The following NOL4L variants were observed in gnomAD, a reference collection of about 807,000 sequenced individuals.
NOL4L encodes nucleolar protein 4 like.
In NOL4L, 7 loss-of-function variants were observed where a neutral mutation model predicts 64.5. The observed-to-expected ratio is 0.11, with a 90% CI of 0.06 to 0.20. The LOEUF is 0.20. Among genes scored for constraint, NOL4L ranks in the 10% least tolerant of loss-of-function variants. The probability of loss-of-function intolerance (pLI) is 1.00; values close to 1 mark genes in which losing one functional copy is unlikely to be tolerated. For synonymous variants in NOL4L, 413 were observed against 401.0 expected, an observed-to-expected ratio of 1.03 and a Z score of -0.36; for missense variants, 680 against 967.1, an observed-to-expected ratio of 0.70 and a Z score of 3.94.
chr20:32,508,359 GC>G (rs2017222505), intron 4 of NOL4L, among the ~76,000 whole-genome samples: 1 of 152,202 alleles, frequency 6.6e-6, no homozygotes, highest in South Asian at 2.1e-4. Context: ...TGGGTCCTTG[GC>G]CCTTCCTTGA....
rs1035884794 is a variant in NOL4L at position 32,578,134 on chromosome 20, A to C, written c.321+6436T>G. Among the ~76,000 whole-genome samples, 23 of 76,884 alleles carry C rather than the reference A, an allele frequency of 3.0e-4. No homozygotes were observed. The Admixed American group carries it at 3.7e-3, about 12-fold the overall frequency. The allele number at this position is 76,884 out of a possible 152,430, so 50.4% of individuals were successfully genotyped here. ...AAGGAAGGAAGGAAGGAAGGAAGGA[A>C]GGAAGGAGGGAGGGAGGGAGGGAGG... On this transcript the variant is annotated intron_variant, in intron 1 of 10. Transcript: ENST00000621426.
At chr20:32,561,340 G>A (rs1239320121) in intron 1 of NOL4L, among the ~76,000 whole-genome samples, 1 of 152,182 alleles carries the variant, frequency 6.6e-6, no homozygotes, top group African/African-American at 2.4e-5. Context: ...CCGAGGCTTG[G>A]AAAAATCCCG....
intron 1 of NOL4L, among the ~76,000 whole-genome samples, chr20:32,568,292 T>C (rs1246558146): frequency 6.6e-6 from 1 of 152,102 alleles, no homozygotes; most frequent in Non-Finnish European, 1.5e-5. Flanking sequence ...CAGGAGGCCC[T>C]CTCCAGGTTG....
At chr20:32,553,440 A>T (rs903246815) in intron 1 of NOL4L, among the ~76,000 whole-genome samples, 5 of 152,160 alleles carry the variant, frequency 3.3e-5, no homozygotes, top group Non-Finnish European at 7.4e-5. Flanking sequence ...ATCCTCTCCC[A>T]CCAGATCCCC....
chr20:32,488,769 TCC>T (rs1447992979), intron 4 of NOL4L, among the ~76,000 whole-genome samples: 16 of 54,842 alleles, frequency 2.9e-4, no homozygotes, highest in African/African-American at 2.3e-3. Flanking sequence ...CTTCCTTCCT[TCC>T]TTCCTTCCTT....
At chr20:32,489,559 T>C (rs1880125674) in intron 4 of NOL4L, among the ~76,000 whole-genome samples, 2 of 152,176 alleles carry the variant, frequency 1.3e-5, no homozygotes, top group African/African-American at 4.8e-5. Context: ...TATCCACTAA[T>C]TGGAAATGTC....
chr20:32,555,231 G>T (rs1408559139), intron 1 of NOL4L, among the ~76,000 whole-genome samples: 1 of 152,132 alleles, frequency 6.6e-6, no homozygotes, highest in Non-Finnish European at 1.5e-5. Flanking sequence ...GTTACGGCCT[G>T]AATTGTGCCC....
At position 32,511,374 on chromosome 20, in the gene NOL4L, C is replaced by T; in HGVS notation, c.672G>A (p.Lys224=). 5.2e-6 allele frequency: 8 copies of T among 1,550,342 alleles called. No individual in the cohort carries two copies. The highest frequency in any genetic ancestry group is 7.0e-6 in the Non-Finnish European group (8 of 1,146,828). Residue 224 remains lysine, a synonymous_variant, in exon 4 of 11, where the codon AAG becomes AAA. Coordinates refer to ENST00000621426, the MANE Select transcript of NOL4L (RefSeq NM_001256798.2). ...PLTSTYLKQM[K]LRVMNSQEQD... ...GCTCCTGGGAATTCATCACTCGAAG[C>T]TTCATCTGCTTCAGGTAGGTGGAGG...
At chr20:32,547,105 C>T (rs943210347) in intron 1 of NOL4L, among the ~76,000 whole-genome samples, 8 of 152,190 alleles carry the variant, frequency 5.3e-5, no homozygotes, top group African/African-American at 1.9e-4. Flanking sequence ...TACTGTGTGC[C>T]TCACCCTGCT....
chr20:32,558,626 C>T (rs896981736), intron 1 of NOL4L, among the ~76,000 whole-genome samples: 21 of 152,308 alleles, frequency 1.4e-4, no homozygotes, highest in African/African-American at 4.8e-4. Flanking sequence ...ACAGCCGTAA[C>T]GGAGGATTCC....
chr20:32,445,544 C>T lies in NOL4L; in HGVS notation c.*2052G>A, dbSNP rs892465844. ...TGATTACTTTGTAGTATTGTTCACA[C>T]ACAAAAATAAATATTTACACGAATT... is the stretch of plus-strand genomic sequence containing the variant. On this transcript the variant is annotated 3_prime_UTR_variant, in exon 11 of 11. Coordinates refer to ENST00000621426, the MANE Select transcript of NOL4L (RefSeq NM_001256798.2). 4.6e-5 allele frequency: 7 copies of T among 152,210 alleles called. No homozygotes were observed. The highest frequency in any genetic ancestry group is 7.3e-5 in the Non-Finnish European group (5 of 68,038). The allele number at this position is 152,210 out of a possible 1,614,324, so 9.4% of individuals were successfully genotyped here. A position where few individuals can be genotyped will look rare whatever the true frequency, so the allele number is the denominator to read the frequency against.
intron 3 of NOL4L, among the ~76,000 whole-genome samples, chr20:32,512,221 T>C (rs1006175133): frequency 9.2e-5 from 14 of 152,178 alleles, no homozygotes; most frequent in African/African-American, 3.4e-4. Flanking sequence ...CTCCTTATCA[T>C]ATTGCACAGC....
intron 4 of NOL4L, among the ~76,000 whole-genome samples, chr20:32,505,733 G>C (rs890176467): frequency 1.4e-4 from 22 of 152,096 alleles, no homozygotes; most frequent in African/African-American, 5.3e-4. Flanking sequence ...TAACAAAAAG[G>C]AATAAAGTTC....
intron 10 of NOL4L, 117 bp from the exon 11 acceptor site, chr20:32,447,933 T>C: frequency 7.7e-7 from 1 of 1,299,338 alleles, no homozygotes. Context: ...AGTTGGGCAC[T>C]GAAGTCCGTG....
chr20:32,472,491 G>A (rs553838840), intron 5 of NOL4L, among the ~76,000 whole-genome samples: 1 of 152,162 alleles, frequency 6.6e-6, no homozygotes, highest in Non-Finnish European at 1.5e-5. Context: ...TCAATAACAG[G>A]GGCCTGAGAG....
chr20:32,536,243 G>A, intron 1 of NOL4L: 2 of 985,450 alleles, frequency 2.0e-6, no homozygotes, highest in Non-Finnish European at 2.4e-6. Flanking sequence ...TCACCGAAGG[G>A]GGGGTCCTAG....
rs11696803 is a variant in NOL4L, at chr20:32,466,972, A to G, written c.841+7629T>C. ...GCTGCTGTGACCCAGGGATGGGCCC[A>G]GGGGAGGGTGGGCATCACCTGAGGA... On this transcript the variant is annotated intron_variant, in intron 5 of 10. Coordinates refer to ENST00000621426, the MANE Select transcript of NOL4L (RefSeq NM_001256798.2). Among the ~76,000 whole-genome samples, 926 of 152,150 alleles carry G rather than the reference A, an allele frequency of 6.1e-3. 8 individuals carry two copies. Among genetic ancestry groups the G allele is most frequent in the Non-Finnish European group, 1.0e-2 (679 of 67,968 alleles).
intron 1 of NOL4L, among the ~76,000 whole-genome samples, chr20:32,563,248 T>G (rs1414858536): frequency 4.7e-4 from 18 of 38,588 alleles, no homozygotes; most frequent in East Asian, 9.9e-4. Context: ...GGAGGGAGGG[T>G]GGAGGTCAGG....
At chr20:32,474,495 C>G in intron 5 of NOL4L, 106 bp downstream of exon 5, 1 of 1,386,170 alleles carries the variant, frequency 7.2e-7, no homozygotes, top group Non-Finnish European at 9.5e-7. Flanking sequence ...AAGGCCTTGG[C>G]CCAGATTCCG....
Sources: gnomAD v4.1 joint callset for allele counts (sites outside exome capture counted in the v4.1 genomes callset) on GRCh38, gnomAD v4.1.1 for gene constraint, MANE v1.5 for transcripts, NCBI Gene and HGNC (gene_info 2026-07-23, HGNC 2026-07-21) for gene names.